INVS: variants seen among roughly 807,000 people sequenced by gnomAD.
The protein encoded by INVS is inversion of embryo turning homolog.
In INVS, 86 loss-of-function variants were observed where a neutral mutation model predicts 108.8. The observed-to-expected ratio is 0.79, with a 90% CI of 0.66 to 0.95. The LOEUF (loss-of-function observed/expected upper bound fraction) is 0.95, where lower values mean the gene tolerates loss of function less well. INVS is among the 40% of genes least tolerant of loss of function. The pLI is 0.00. For missense variants in INVS, 1,169 were observed against 1,297.4 expected (o/e 0.90, Z 1.52); for synonymous variants, 455 against 473.5 (o/e 0.96, Z 0.51).
At chr9:100,239,859 C>A (rs1475119279) in intron 5 of INVS, among the ~76,000 whole-genome samples, 1 of 152,102 alleles carries the variant, frequency 6.6e-6, no homozygotes, top group Non-Finnish European at 1.5e-5. Context: ...GTAGTCCCAG[C>A]TACTTGGGAA....
chr9:100,221,455 A>T (rs1421454749), intron 3 of INVS, among the ~76,000 whole-genome samples: 1 of 152,148 alleles, frequency 6.6e-6, no homozygotes, highest in Non-Finnish European at 1.5e-5. Context: ...GGTGTGAGCC[A>T]CTGTGCCCAG....
intron 4 of INVS, among the ~76,000 whole-genome samples, chr9:100,228,553 T>C (rs1178985901): frequency 6.6e-6 from 1 of 152,208 alleles, no homozygotes; most frequent in Non-Finnish European, 1.5e-5. Context: ...AGATGTGCAT[T>C]ATCAAGATCA....
chr9:100,179,899 C>T (rs1424336648), intron 3 of INVS, among the ~76,000 whole-genome samples: 1 of 152,120 alleles, frequency 6.6e-6, no homozygotes, highest in Non-Finnish European at 1.5e-5. Flanking sequence ...GGAAGTAAAA[C>T]ACTCCTCAGC....
At chr9:100,173,581 T>C (rs1829615547) in intron 3 of INVS, among the ~76,000 whole-genome samples, 1 of 151,914 alleles carries the variant, frequency 6.6e-6, no homozygotes, top group Non-Finnish European at 1.5e-5. Flanking sequence ...TACAAAAAAT[T>C]AGCTGGGCAT....
intron 3 of INVS, among the ~76,000 whole-genome samples, chr9:100,202,235 A>T (rs1396398746): frequency 6.6e-6 from 1 of 152,204 alleles, no homozygotes; most frequent in African/African-American, 2.4e-5. Flanking sequence ...TTATAAGTAC[A>T]TAATTCCCTG....
At chr9:100,221,299 A>G (rs1831141600) in intron 3 of INVS, among the ~76,000 whole-genome samples, 1 of 139,588 alleles carries the variant, frequency 7.2e-6, no homozygotes, top group Admixed American at 7.2e-5. Context: ...ATTTGCATAC[A>G]GGACAATTTT....
At chr9:100,228,147 G>A (rs1831394115) in intron 4 of INVS, among the ~76,000 whole-genome samples, 1 of 151,664 alleles carries the variant, frequency 6.6e-6, no homozygotes, top group Admixed American at 6.6e-5. Context: ...TGCGCCACCA[G>A]GCCCAACTAA....
intron 1 of INVS, among the ~76,000 whole-genome samples, chr9:100,100,599 C>CAT (rs1198778972): frequency 2.8e-4 from 22 of 78,456 alleles, no homozygotes; most frequent in South Asian, 3.1e-4. Context: ...AATATATGTA[C>CAT]ATATAATATA....
intron 12 of INVS, among the ~76,000 whole-genome samples, chr9:100,278,474 G>T (rs1442932005): frequency 6.6e-6 from 1 of 152,120 alleles, no homozygotes; most frequent in Admixed American, 6.5e-5. Context: ...CTGTTGGCAG[G>T]AGTGTATGGG....
intron 16 of INVS, among the ~76,000 whole-genome samples, chr9:100,298,497 T>A (rs1399181148): frequency 6.6e-6 from 1 of 150,700 alleles, no homozygotes; most frequent in Non-Finnish European, 1.5e-5. Flanking sequence ...AAGACAAGAG[T>A]GTTTTACTTA....
intron 3 of INVS, among the ~76,000 whole-genome samples, chr9:100,159,668 T>C (rs545923453): frequency 6.6e-6 from 1 of 152,336 alleles, no homozygotes; most frequent in African/African-American, 2.4e-5. Flanking sequence ...TAATTTAAAA[T>C]ATCTTCATCA....
intron 3 of INVS, among the ~76,000 whole-genome samples, chr9:100,163,217 A>G (rs899294808): frequency 7.2e-6 from 1 of 138,656 alleles, no homozygotes; most frequent in African/African-American, 2.8e-5. Flanking sequence ...GCAAATGTGC[A>G]TATTTCCTCC....
intron 12 of INVS, among the ~76,000 whole-genome samples, chr9:100,276,510 C>T (rs975072712): frequency 3.9e-5 from 6 of 151,980 alleles, no homozygotes; most frequent in Non-Finnish European, 7.4e-5. Flanking sequence ...CTATACAAAC[C>T]CTCGTTCTTC....
intron 12 of INVS, among the ~76,000 whole-genome samples, chr9:100,283,375 C>T (rs1311517234): frequency 1.3e-5 from 2 of 152,308 alleles, no homozygotes; most frequent in East Asian, 3.9e-4. Context: ...TCCTGGCTGT[C>T]CCCTTCTGGG....
intron 10 of INVS, among the ~76,000 whole-genome samples, chr9:100,264,587 C>A (rs937793114): frequency 6.8e-6 from 1 of 148,044 alleles, no homozygotes; most frequent in African/African-American, 2.5e-5. Context: ...CATTGCACTC[C>A]AGCCTGAGCG....
intron 16 of INVS, chr9:100,298,303 C>G (rs1457201125): frequency 7.8e-7 from 1 of 1,278,312 alleles, no homozygotes; most frequent in Non-Finnish European, 1.0e-6. Flanking sequence ...AATACTGTCA[C>G]TCTTCAAAGG....
At chr9:100,116,957 GC>G (rs1827552444) in intron 2 of INVS, 1 of 1,556,104 alleles carries the variant, frequency 6.4e-7, no homozygotes, top group South Asian at 1.1e-5. Context: ...GCAGCCCCGG[GC>G]TGAGGTGTAG....
chr9:100,295,982 G>T (rs987879168), intron 14 of INVS, among the ~76,000 whole-genome samples: 1 of 152,222 alleles, frequency 6.6e-6, no homozygotes, highest in African/African-American at 2.4e-5. Context: ...TACCCTCCAG[G>T]ACAGAAGGAA....
intron 3 of INVS, among the ~76,000 whole-genome samples, chr9:100,184,570 G>T (rs1829999768): frequency 6.6e-6 from 1 of 152,166 alleles, no homozygotes; most frequent in Admixed American, 6.5e-5. Flanking sequence ...GTTTGTGCAT[G>T]TCTGTGCACC....
Sources: gnomAD v4.1 joint callset for allele counts (sites outside exome capture counted in the v4.1 genomes callset) on GRCh38, gnomAD v4.1.1 for gene constraint, MANE v1.5 for transcripts, NCBI Gene and HGNC (gene_info 2026-07-23, HGNC 2026-07-21) for gene names.